The following BIRC6 variants were observed in gnomAD, a reference collection of about 807,000 sequenced individuals.
BIRC6 encodes the protein baculoviral IAP repeat containing 6.
Under a neutral mutation model 503.3 loss-of-function variants are expected in BIRC6, and 98 were observed. That is an observed-to-expected ratio of 0.19 (90% CI 0.17 to 0.23). BIRC6 has a LOEUF of 0.23. Ranked by LOEUF, BIRC6 falls within the 10% of genes least tolerant of loss-of-function variation. The pLI is 1.00. For synonymous variants in BIRC6, 2,240 were observed against 2,078.7 expected, an observed-to-expected ratio of 1.08 and a Z score of -2.11; for missense variants, 5,360 against 5,806.0, an observed-to-expected ratio of 0.92 and a Z score of 2.50.
intron 17 of BIRC6, 30 bp from the exon 18 acceptor site, chr2:32,442,035 G>A: frequency 6.8e-7 from 1 of 1,463,568 alleles, no homozygotes; most frequent in Non-Finnish European, 9.1e-7. Context: ...GTTTTGTTTG[G>A]TAATGTGTTT....
chr2:32,408,240 T>G (rs972047594), intron 9 of BIRC6, among the ~76,000 whole-genome samples: 1 of 152,138 alleles, frequency 6.6e-6, no homozygotes, highest in Non-Finnish European at 1.5e-5. Flanking sequence ...AGTGCTAGGA[T>G]TACAGGCGTG....
chr2:32,523,605 C>T (rs1417267009), intron 57 of BIRC6: 1 of 152,108 alleles, frequency 6.6e-6, no homozygotes, highest in Non-Finnish European at 1.5e-5. Context: ...AGGCAATTAG[C>T]AATTAGTATT....
rs763163972 is a variant in BIRC6, at chr2:32,597,961, T to C, written c.13823T>C (p.Ile4608Thr). Residue 4608 changes from isoleucine (I) to threonine (T), a missense_variant, in exon 69 of 74, where the codon ATC becomes ACC. Coordinates refer to ENST00000421745, the MANE Select transcript of BIRC6 (RefSeq NM_016252.4). Reference sequence around the variant, plus strand: ...CGCTGTGATGAGGAGCGACTTGATATCATGAAGGTAAAAAATAATGATAAT... The same window carrying C: ...CGCTGTGATGAGGAGCGACTTGATACCATGAAGGTAAAAAATAATGATAAT... ...FVRCDEERLD[I>T]MKVLITGPAD... 4 of 1,609,832 alleles carry C rather than the reference T, an allele frequency of 2.5e-6. No homozygotes were observed. In the African/African-American group the frequency reaches 4.0e-5, roughly 16 times the overall value.
chr2:32,507,567 CA>C (rs2053938887), intron 50 of BIRC6, among the ~76,000 whole-genome samples: 1 of 152,028 alleles, frequency 6.6e-6, no homozygotes, highest in Admixed American at 6.5e-5. Flanking sequence ...CATTTTTCCC[CA>C]AATTATTTAA....
At chr2:32,472,266 A>G (rs7585389) in intron 32 of BIRC6, among the ~76,000 whole-genome samples, 4,949 of 152,190 alleles carry the variant, frequency 0.033, 262 homozygotes, top group African/African-American at 0.11. Context: ...ACGAGGTTTC[A>G]CCATATTGGC....
Position 32,509,861 on chromosome 2 carries a change from A to G in BIRC6, c.10104A>G (p.Ser3368=). 6.2e-7 allele frequency: 1 copy of G among 1,613,890 alleles called. No individual in the cohort carries two copies. Among genetic ancestry groups the G allele is most frequent in the Admixed American group, 1.7e-5 (1 of 60,004 alleles). ...LLQTCAALLM[S]PYCGMHSPNI... Reference sequence around the variant, plus strand: ...AGACTTGTGCGGCCTTATTGATGTCACCTTACTGTGGAATGCATTCACCCA... The same window carrying G: ...AGACTTGTGCGGCCTTATTGATGTCGCCTTACTGTGGAATGCATTCACCCA... The change falls in exon 52 of 74, where the codon TCA becomes TCG. Residue 3368 remains serine (S), a synonymous_variant. Coordinates refer to ENST00000421745, the MANE Select transcript of BIRC6 (RefSeq NM_016252.4).
chr2:32,438,345 T>C (rs1192726095), intron 15 of BIRC6, among the ~76,000 whole-genome samples: 1 of 152,136 alleles, frequency 6.6e-6, no homozygotes, highest in Non-Finnish European at 1.5e-5. Flanking sequence ...TGTAACAGTG[T>C]AGTGCTAGCA....
intron 49 of BIRC6, among the ~76,000 whole-genome samples, chr2:32,504,162 G>C (rs946017661): frequency 2.0e-5 from 3 of 151,788 alleles, no homozygotes; most frequent in African/African-American, 7.3e-5. Context: ...GCCTCCCAAA[G>C]TGTTAGGATT....
intron 10 of BIRC6, among the ~76,000 whole-genome samples, chr2:32,428,050 T>A (rs2043719437): frequency 6.6e-6 from 1 of 152,198 alleles, no homozygotes; most frequent in Non-Finnish European, 1.5e-5. Flanking sequence ...GCAGCAGAGC[T>A]TAGTATTCAG....
At chr2:32,569,911 C>CTT (rs112754687) in intron 65 of BIRC6, among the ~76,000 whole-genome samples, 102 of 148,680 alleles carry the variant, frequency 6.9e-4, no homozygotes, top group African/African-American at 2.5e-3. Context: ...GTTTGAATGC[C>CTT]TTTTTTTTTT....
In BIRC6 at chr2:32,531,562, AT is replaced by A; in HGVS notation, c.12291+14del. The A allele has an allele frequency of 6.3e-7, 1 of 1,596,718 alleles. No individual in the cohort carries two copies. The highest frequency in any genetic ancestry group is 1.7e-5 in the Admixed American group (1 of 57,744). ...GAAGTAATTCAACAGGTAAGATAAG[AT>A]TTCCTAATCGAGTATATCATTCCAT... On this transcript the variant is annotated intron_variant, in intron 61 of 73. Coordinates refer to ENST00000421745, the MANE Select transcript of BIRC6 (RefSeq NM_016252.4).
intron 20 of BIRC6, 38 bp from the exon 21 acceptor site, chr2:32,445,483 G>C: frequency 6.8e-7 from 1 of 1,478,696 alleles, no homozygotes; most frequent in East Asian, 2.5e-5. Flanking sequence ...AGGAAAAGGA[G>C]GAAAAAGAAA....
At chr2:32,551,472 G>C (rs2058419897) in intron 65 of BIRC6, among the ~76,000 whole-genome samples, 3 of 151,956 alleles carry the variant, frequency 2.0e-5, no homozygotes, top group Non-Finnish European at 4.4e-5. Context: ...TGGTAGAGAT[G>C]GGGTTTCACC....
Position 32,357,419 on chromosome 2 carries a change from T to C in BIRC6, c.258T>C (p.Thr86=), listed in dbSNP as rs1290318532. 1.9e-6 allele frequency: 3 copies of C among 1,549,536 alleles called. No individual in the cohort carries two copies. The East Asian group carries it at 7.3e-5, about 38-fold the overall frequency. ...HPALNAILAV[T]SRGTIKVIDG... ...CGCTCAACGCCATCCTGGCCGTCAC[T>C]AGCCGCGGGACCATCAAAGTCATCG... is the stretch of plus-strand genomic sequence containing the variant. Residue 86 remains threonine (T), a synonymous_variant, in exon 1 of 74, where the codon ACT becomes ACC. Transcript: ENST00000421745. This position sits in a 1 kb window ranked among gnomAD's most constrained non-coding sequence, Gnocchi z 4.9.
In BIRC6 at chr2:32,453,891, T is replaced by C. The variant is rs1009301207; in HGVS notation, c.4702T>C (p.Phe1568Leu). Reference protein sequence around the residue: ...TGLLEVEPLHFTCVSTSDGTR... With the variant: ...TGLLEVEPLHLTCVSTSDGTR... Reference sequence around the variant, plus strand: ...ACTTTTGGAAGTTGAACCTCTGCACTTTACTTGTGTGTCAACTAGTGATGG... The same window carrying C: ...ACTTTTGGAAGTTGAACCTCTGCACCTTACTTGTGTGTCAACTAGTGATGG... Residue 1568 changes from phenylalanine (F) to leucine (L), a missense_variant, in exon 23 of 74, where the codon TTT (phenylalanine) becomes CTT (leucine). By Grantham distance (22) the Phe-to-Leu change is conservative. This residue lies in a region of BIRC6 where 2,299 missense variants were observed against 2,267.2 expected (regional missense o/e 1.01). Transcript: ENST00000421745. 1 of 1,613,550 alleles carries C rather than the reference T, an allele frequency of 6.2e-7. No individual in the cohort carries two copies. Among genetic ancestry groups the C allele is most frequent in the Non-Finnish European group, 8.5e-7 (1 of 1,179,510 alleles).
chr2:32,460,272 ATTTTTTTTTTTTT>A (rs70938346), intron 23 of BIRC6, among the ~76,000 whole-genome samples: 2 of 18,814 alleles, frequency 1.1e-4, no homozygotes, highest in Admixed American at 1.3e-3. Context: ...ATATATATAT[ATTTTTTTTTTTTT>A]TTTTTTTTTT....
chr2:32,368,256 C>T (rs2035258787), intron 1 of BIRC6, among the ~76,000 whole-genome samples: 1 of 151,810 alleles, frequency 6.6e-6, no homozygotes, highest in Non-Finnish European at 1.5e-5. Flanking sequence ...GTTCAAACTC[C>T]CTGGCTGGGC....
chr2:32,475,185 CAAT>C (rs2049600287), intron 33 of BIRC6, among the ~76,000 whole-genome samples: 2 of 141,568 alleles, frequency 1.4e-5, no homozygotes, highest in Non-Finnish European at 3.0e-5. Context: ...AAAAAAGTGT[CAAT>C]AGTAGTAATT....
chr2:32,535,033 A>G (rs529547752), intron 61 of BIRC6, among the ~76,000 whole-genome samples: 1 of 151,264 alleles, frequency 6.6e-6, no homozygotes, highest in Non-Finnish European at 1.5e-5. Flanking sequence ...ACAGCTGGCC[A>G]CTGCAGTGCA....
Sources: allele counts gnomAD v4.1 joint callset (sites outside exome capture counted in the v4.1 genomes callset), GRCh38; gene constraint gnomAD v4.1.1; regional missense constraint gnomAD v4.1.1; non-coding constraint Gnocchi (gnomAD v3.1); transcripts MANE v1.5; gene names NCBI Gene and HGNC (gene_info 2026-07-23, HGNC 2026-07-21).